Variants in LYVE1 observed in about 807,000 individuals in gnomAD.
LYVE1 encodes lymphatic vessel endothelial hyaluronic acid receptor 1.
A neutral mutation model predicts 31.5 loss-of-function variants in LYVE1; 29 were observed. The ratio of observed to expected loss-of-function variants is 0.92; its 90% CI spans 0.69 to 1.26. The LOEUF is 1.26. Among genes scored for constraint, LYVE1 ranks in the 50% most tolerant of loss-of-function variants. The pLI, the probability that LYVE1 is intolerant of heterozygous loss-of-function variation, is 0.00. For synonymous variants in LYVE1, 134 were observed against 139.4 expected (o/e 0.96, Z 0.27); for missense variants, 376 against 380.2 (o/e 0.99, Z 0.09).
At chr11:10,568,181 T>C (rs1850580084) in intron 1 of LYVE1, among the ~76,000 whole-genome samples, 1 of 152,216 alleles carries the variant, frequency 6.6e-6, no homozygotes, top group African/African-American at 2.4e-5. Context: ...AAAAATCAAA[T>C]GGTTTCTCTT....
intron 3 of LYVE1, among the ~76,000 whole-genome samples, chr11:10,563,078 C>T (rs980372334): frequency 3.3e-5 from 5 of 151,588 alleles, no homozygotes; most frequent in African/African-American, 9.7e-5. Flanking sequence ...CTCAGCCTCC[C>T]GAGTAGCTGG....
intron 3 of LYVE1, among the ~76,000 whole-genome samples, chr11:10,562,957 T>C (rs1447343282): frequency 1.5e-5 from 2 of 137,908 alleles, no homozygotes; most frequent in African/African-American, 5.5e-5. Flanking sequence ...TTTTTTTTTT[T>C]TTTTTTTTTT....
intron 1 of LYVE1, among the ~76,000 whole-genome samples, chr11:10,567,845 T>TTCATGGTATGAATTCATTGCACCTCATA: frequency 6.6e-6 from 1 of 152,220 alleles, no homozygotes. Flanking sequence ...TTGCACCTCA[T>TTCATGGTATGAATTCATTGCACCTCATA]TCATGGTATG....
In LYVE1 at chr11:10,557,342, G is replaced by T. The variant is rs1447741144; in HGVS notation, c.*1769C>A. The T allele has an allele frequency of 6.6e-6, 1 of 152,174 alleles. No individual in the cohort carries two copies. The highest frequency in any genetic ancestry group is 1.5e-5 in the Non-Finnish European group (1 of 68,042). 9.4% of individuals were successfully genotyped at this position (152,174 alleles called of 1,614,324 possible). On this transcript the variant is annotated 3_prime_UTR_variant, in exon 6 of 6. Transcript: ENST00000256178. Reference sequence around the variant, plus strand: ...TTCCAGATCTTTCCATTTTTAGAGGGAACCCAGAAATGTAACCATGTGAAA... The same window carrying T: ...TTCCAGATCTTTCCATTTTTAGAGGTAACCCAGAAATGTAACCATGTGAAA...
Position 10,557,206 on chromosome 11 carries a change from CAG to C in LYVE1, c.*1903_*1904del, listed in dbSNP as rs907224471. The stretch of plus-strand genomic sequence containing the variant: ...CCTTTACTTTGGCATGAGTGTGCAA[CAG>C]AGAGTCATGAGGACTGTGGTGAAAC... On this transcript the variant is annotated 3_prime_UTR_variant, in exon 6 of 6. Coordinates refer to ENST00000256178, the MANE Select transcript of LYVE1 (RefSeq NM_006691.4). 6.6e-6 allele frequency: 1 copy of C among 152,102 alleles called. No individual in the cohort carries two copies. The highest frequency in any genetic ancestry group is 1.5e-5 in the Non-Finnish European group (1 of 68,040). The allele number at this position is 152,102 out of a possible 1,614,324, so 9.4% of individuals were successfully genotyped here.
At position 10,564,022 on chromosome 11, in the gene LYVE1, C is replaced by A. The variant is rs1183611061; in HGVS notation, c.315G>T (p.Lys105Asn). The change falls in exon 3 of 6, where the codon AAG becomes AAT. Residue 105 changes from lysine (K) to asparagine (N), a missense_variant. Lys to Asn is a moderately conservative substitution (Grantham distance 94). Coordinates refer to ENST00000256178, the MANE Select transcript of LYVE1 (RefSeq NM_006691.4). ...VVISRISPNP[K>N]CGKNGVGVLI... The stretch of plus-strand genomic sequence containing the variant: ...GGACACCCACCCCATTTTTCCCACA[C>A]TTGGGGTTTGGGCTAATCCTAGAGA... 2 of 1,614,188 alleles carry A rather than the reference C, an allele frequency of 1.2e-6. No homozygotes were observed. The highest frequency in any genetic ancestry group is 1.7e-6 in the Non-Finnish European group (2 of 1,180,028).
intron 3 of LYVE1, among the ~76,000 whole-genome samples, chr11:10,561,106 C>CT: frequency 6.6e-6 from 1 of 152,350 alleles, no homozygotes; most frequent in East Asian, 1.9e-4. Flanking sequence ...ACATCCAAGC[C>CT]TTGCACCACG....
Position 10,560,703 on chromosome 11 carries a change from ACTGACAATAAATT to A in LYVE1, c.482_494del (p.Glu161ValfsTer35). The A allele has an allele frequency of 1.2e-6, 2 of 1,613,916 alleles. No individual in the cohort carries two copies. The highest frequency in any genetic ancestry group is 2.2e-5 in the South Asian group (2 of 91,074). On this transcript the variant is annotated frameshift_variant, in exon 4 of 6. Transcript: ENST00000256178. LOFTEE classifies it high-confidence loss of function. ...GGGATGCCACCGAGTAGGTACTGTC[ACTGACAATAAATT>A]CTGTTGTTTGTGTTGCAGTTTGAGT...
intron 1 of LYVE1, among the ~76,000 whole-genome samples, chr11:10,566,179 T>C (rs143736335): frequency 0.022 from 3,316 of 151,832 alleles, 120 homozygotes; most frequent in African/African-American, 0.076. Context: ...GCGTGATCCA[T>C]GCTCACTGCA....
intron 1 of LYVE1, 64 bp from the exon 2 acceptor site, chr11:10,564,438 C>T: frequency 6.7e-7 from 1 of 1,496,496 alleles, no homozygotes; most frequent in East Asian, 2.3e-5. Context: ...TTAGACTCTC[C>T]TTCCCAGCAG....
At chr11:10,567,799 G>C (rs935822205) in intron 1 of LYVE1, among the ~76,000 whole-genome samples, 1 of 151,910 alleles carries the variant, frequency 6.6e-6, no homozygotes, top group African/African-American at 2.4e-5. Flanking sequence ...ATTTTTTTCA[G>C]CTAATTTGCT....
At position 10,568,635 on chromosome 11, in the gene LYVE1, G is replaced by A. The variant is rs368988385; in HGVS notation, c.-103C>T. 1.8e-5 allele frequency: 26 copies of A among 1,434,922 alleles called. No individual in the cohort carries two copies. Among genetic ancestry groups the A allele is most frequent in the Non-Finnish European group, 2.2e-5 (24 of 1,085,544 alleles). 88.9% of individuals were successfully genotyped at this position (1,434,922 alleles called of 1,614,324 possible). A position where few individuals can be genotyped will look rare whatever the true frequency, so the allele number is the denominator to read the frequency against. On this transcript the variant is annotated 5_prime_UTR_variant, in exon 1 of 6. Transcript: ENST00000256178. Reference sequence around the variant, plus strand: ...TCCGGATGGAGAGTTCTGGAACTATGTTGAGGCTCACACTCACTGCTCCAC... The same window carrying A: ...TCCGGATGGAGAGTTCTGGAACTATATTGAGGCTCACACTCACTGCTCCAC...
At position 10,558,337 on chromosome 11, in the gene LYVE1, A is replaced by G. The variant is rs563735985; in HGVS notation, c.*774T>C. 1 of 152,328 alleles carries G rather than the reference A, an allele frequency of 6.6e-6. No homozygotes were observed. The highest frequency in any genetic ancestry group is 6.5e-5 in the Admixed American group (1 of 15,308). 9.4% of individuals were successfully genotyped at this position (152,328 alleles called of 1,614,324 possible). The stretch of plus-strand genomic sequence containing the variant: ...GTAACTCAGATAAAAATAGAAATTT[A>G]TAAGAGTTTTTATTTTTGTTACTTG... On this transcript the variant is annotated 3_prime_UTR_variant, in exon 6 of 6. Transcript: ENST00000256178.
chr11:10,559,832 A>T lies in LYVE1; in HGVS notation c.766T>A (p.Phe256Ile), dbSNP rs1424178195. 6.2e-7 allele frequency: 1 copy of T among 1,614,016 alleles called. No individual in the cohort carries two copies. Among genetic ancestry groups the T allele is most frequent in the Admixed American group, 1.7e-5 (1 of 60,018 alleles). ...CAACCCTACCTTTTGACATAGCAAA[A>T]TCCAAGACCAGCTGCAGCACCAAAG... ...LFFGAAAGLG[F>I]CYVKRYVKAF... is the part of the protein sequence containing the mutation. Residue 256 changes from phenylalanine to isoleucine, a missense_variant, in exon 5 of 6, where the codon TTT becomes ATT. Physicochemically the swap from Phe to Ile is conservative, Grantham distance 21 (BLOSUM62 0). Coordinates refer to ENST00000256178, the MANE Select transcript of LYVE1 (RefSeq NM_006691.4).
chr11:10,563,892 A>C, intron 3 of LYVE1, 48 bp downstream of exon 3: 1 of 1,608,034 alleles, frequency 6.2e-7, no homozygotes, highest in Non-Finnish European at 8.5e-7. Context: ...TCTCAGAGTG[A>C]GAGATACCCA....
intron 5 of LYVE1, 87 bp from the exon 6 acceptor site, chr11:10,559,384 G>A: frequency 1.1e-6 from 1 of 937,114 alleles, no homozygotes; most frequent in Non-Finnish European, 1.6e-6. Flanking sequence ...TATTGGCACA[G>A]TACACTGGAT....
rs983841509 is a variant in LYVE1, at chr11:10,558,952, C to T, written c.*159G>A. ...AAGGAGAAGGGCATTCTCTTTGGTG[C>T]ACTCCATAGTCCAATGGCAGTCCTG... On this transcript the variant is annotated 3_prime_UTR_variant, in exon 6 of 6. Coordinates refer to ENST00000256178, the MANE Select transcript of LYVE1 (RefSeq NM_006691.4). The T allele has an allele frequency of 5.8e-5, 37 of 641,312 alleles. 1 individual carries two copies. The highest frequency in any genetic ancestry group is 1.1e-4 in the Admixed American group (4 of 37,176). The allele number at this position is 641,312 out of a possible 1,614,324, so 39.7% of individuals were successfully genotyped here.
chr11:10,560,465 A>G, intron 4 of LYVE1, 30 bp downstream of exon 4: 1 of 1,548,160 alleles, frequency 6.5e-7, no homozygotes, highest in Non-Finnish European at 8.7e-7. Flanking sequence ...ACATACATAC[A>G]CACGTAACAT....
At chr11:10,562,588 G>T (rs949082103) in intron 3 of LYVE1, among the ~76,000 whole-genome samples, 3 of 152,216 alleles carry the variant, frequency 2.0e-5, no homozygotes, top group Non-Finnish European at 2.9e-5. Flanking sequence ...CAGAAGGTCA[G>T]ATAGATGAGT....
Sources: gnomAD v4.1 joint callset for allele counts (sites outside exome capture counted in the v4.1 genomes callset) on GRCh38, gnomAD v4.1.1 for gene constraint, MANE v1.5 for transcripts, NCBI Gene and HGNC (gene_info 2026-07-23, HGNC 2026-07-21) for gene names.